Variants in GPC6 observed in about 807,000 individuals in gnomAD.
The protein encoded by GPC6 is glypican-6.
Under a neutral mutation model 55.2 loss-of-function variants are expected in GPC6, and 14 were observed. The ratio of observed to expected loss-of-function variants is 0.25; its 90% CI spans 0.17 to 0.40. The LOEUF (loss-of-function observed/expected upper bound fraction) is 0.40, where lower values mean the gene tolerates loss of function less well. GPC6 is among the 10% of genes least tolerant of loss of function. The pLI, the probability that GPC6 is intolerant of heterozygous loss-of-function variation, is 1.00. For synonymous variants in GPC6, 278 were observed against 259.6 expected (o/e 1.07, Z -0.68); for missense variants, 641 against 708.5 (o/e 0.90, Z 1.08).
At chr13:93,957,027 C>A (rs1374190468) in intron 3 of GPC6, among the ~76,000 whole-genome samples, 4 of 152,082 alleles carry the variant, frequency 2.6e-5, no homozygotes, top group Non-Finnish European at 4.4e-5. Context: ...AGGATCTAAA[C>A]CCATTTGCAG....
intron 6 of GPC6, among the ~76,000 whole-genome samples, chr13:94,346,799 G>A (rs1260976172): frequency 1.3e-5 from 2 of 152,042 alleles, no homozygotes; most frequent in Non-Finnish European, 2.9e-5. Context: ...GAGACAGGGG[G>A]AGGTCTTGAT....
intron 2 of GPC6, among the ~76,000 whole-genome samples, chr13:93,648,350 G>A (rs1880265763): frequency 6.6e-6 from 1 of 152,122 alleles, no homozygotes; most frequent in Admixed American, 6.5e-5. Context: ...ATTTTTGAGT[G>A]TTGAATTTGC....
At chr13:93,224,368 A>AT, upstream of GPC6, among the ~76,000 whole-genome samples, 1 of 150,094 alleles carries the variant, frequency 6.7e-6, no homozygotes, top group South Asian at 2.1e-4. Context: ...CTAATTTTGT[A>AT]TCTTCAGTAG....
chr13:93,578,297 T>C (rs1876763839), intron 2 of GPC6, among the ~76,000 whole-genome samples: 2 of 152,098 alleles, frequency 1.3e-5, no homozygotes, highest in Admixed American at 1.3e-4. Flanking sequence ...CTCTTTATTT[T>C]GGTAGAATTC....
chr13:93,535,696 A>C lies in GPC6; in HGVS notation c.161-9567A>C, dbSNP rs567062129. 4.0e-5 allele frequency among the ~76,000 whole-genome samples: 6 copies of C among 151,784 alleles called. No individual in the cohort carries two copies. In the East Asian group the frequency reaches 5.8e-4, roughly 15 times the overall value. On this transcript the variant is annotated intron_variant, in intron 1 of 8. Coordinates refer to ENST00000377047, the MANE Select transcript of GPC6 (RefSeq NM_005708.5). ...GATACTTTTTTAGGAAAAAAAAAAA[A>C]AAAAACCAAGCAGAACTGATTTTCC...
chr13:93,979,310 TGTGTGTGTTTG>T (rs1880671337), intron 3 of GPC6, among the ~76,000 whole-genome samples: 3 of 149,806 alleles, frequency 2.0e-5, no homozygotes, highest in Non-Finnish European at 4.4e-5. Context: ...TGTGTGTGTG[TGTGTGTGTTTG>T]TGTGTGTTTT....
intron 1 of GPC6, among the ~76,000 whole-genome samples, chr13:93,318,881 T>G (rs1879333381): frequency 6.6e-6 from 1 of 152,150 alleles, no homozygotes; most frequent in Non-Finnish European, 1.5e-5. Flanking sequence ...TTGCTATATG[T>G]TATAGCTTTC....
intron 2 of GPC6, among the ~76,000 whole-genome samples, chr13:93,739,743 G>A (rs1214798757): frequency 6.6e-6 from 1 of 152,114 alleles, no homozygotes; most frequent in South Asian, 2.1e-4. Context: ...AATACATATC[G>A]AGTGTCCATT....
At chr13:93,594,075 T>A (rs1332726617) in intron 2 of GPC6, among the ~76,000 whole-genome samples, 4 of 152,130 alleles carry the variant, frequency 2.6e-5, no homozygotes, top group African/African-American at 9.7e-5. Flanking sequence ...AAATAACAAA[T>A]TACAATGTTT....
chr13:94,118,102 G>A (rs1227230801), intron 4 of GPC6, among the ~76,000 whole-genome samples: 3 of 152,014 alleles, frequency 2.0e-5, no homozygotes, highest in South Asian at 2.1e-4. Flanking sequence ...GAAGAATGGT[G>A]ACTGATGTGG....
intron 4 of GPC6, among the ~76,000 whole-genome samples, chr13:94,270,684 C>T (rs149939181): frequency 1.1e-4 from 16 of 152,318 alleles, no homozygotes; most frequent in Non-Finnish European, 1.9e-4. Context: ...GTAGTTATGT[C>T]TTTCTGAAAA....
chr13:94,300,299 C>T (rs1875580832), intron 5 of GPC6, among the ~76,000 whole-genome samples: 1 of 152,126 alleles, frequency 6.6e-6, no homozygotes, highest in African/African-American at 2.4e-5. Flanking sequence ...AGGTATAAAG[C>T]TACATGTGCC....
intron 4 of GPC6, among the ~76,000 whole-genome samples, chr13:94,047,304 A>G (rs1883767480): frequency 6.6e-6 from 1 of 152,064 alleles, no homozygotes. Context: ...CTGAGACGGG[A>G]TGAGTGGGAG....
rs60946886 is a variant in GPC6 at position 93,828,004 on chromosome 13, A to ATT, written c.320-2140_320-2139dup. On this transcript the variant is annotated intron_variant, in intron 2 of 8. Coordinates refer to ENST00000377047, the MANE Select transcript of GPC6 (RefSeq NM_005708.5). The stretch of plus-strand genomic sequence containing the variant: ...TTTGGAAAGCAATGAGTATCAGAGA[A>ATT]TTTTTTTTTTTCTCTTTCTCTTTTT... Among the ~76,000 whole-genome samples, 14 of 149,936 alleles carry ATT rather than the reference A, an allele frequency of 9.3e-5. No individual in the cohort carries two copies. The East Asian group carries it at 2.4e-3, about 25-fold the overall frequency.
At chr13:93,435,316 G>A (rs1877528912) in intron 1 of GPC6, among the ~76,000 whole-genome samples, 1 of 151,724 alleles carries the variant, frequency 6.6e-6, no homozygotes, top group African/African-American at 2.4e-5. Flanking sequence ...GATTTTTGCT[G>A]TGTTGCCCAG....
At chr13:93,591,706 A>T (rs1205430648) in intron 2 of GPC6, among the ~76,000 whole-genome samples, 1 of 152,172 alleles carries the variant, frequency 6.6e-6, no homozygotes, top group Non-Finnish European at 1.5e-5. Flanking sequence ...CCCCAGCAGG[A>T]TCAAGCTATC....
At chr13:93,804,935 G>A (rs1886497737) in intron 2 of GPC6, among the ~76,000 whole-genome samples, 2 of 152,166 alleles carry the variant, frequency 1.3e-5, no homozygotes, top group Non-Finnish European at 2.9e-5. Context: ...GAAGACCAAA[G>A]AACATAGCAG....
chr13:93,905,748 C>A (rs1476263609), intron 3 of GPC6, among the ~76,000 whole-genome samples: 1 of 152,078 alleles, frequency 6.6e-6, no homozygotes, highest in East Asian at 1.9e-4. Context: ...GTTTTAATTA[C>A]CTAATGAATG....
chr13:93,216,882 C>G, the GPC6 span, among the ~76,000 whole-genome samples: 1 of 152,156 alleles, frequency 6.6e-6, no homozygotes, highest in Non-Finnish European at 1.5e-5. Flanking sequence ...AAAGGAGGTT[C>G]CATTTCTTAT....
Sources: gnomAD v4.1 joint callset for allele counts (sites outside exome capture counted in the v4.1 genomes callset) on GRCh38, gnomAD v4.1.1 for gene constraint, MANE v1.5 for transcripts, NCBI Gene and HGNC (gene_info 2026-07-23, HGNC 2026-07-21) for gene names.